The following RNF130 variants were observed in gnomAD, a reference collection of about 807,000 sequenced individuals.
RNF130 encodes the protein E3 ubiquitin-protein ligase RNF130.
A neutral mutation model predicts 44.6 loss-of-function variants in RNF130; 21 were observed. That is an observed-to-expected ratio of 0.47 (90% CI 0.33 to 0.68). RNF130 has a LOEUF of 0.68. Ranked by LOEUF, RNF130 falls within the 30% of genes least tolerant of loss-of-function variation. The probability of loss-of-function intolerance (pLI) is 0.02; values close to 1 mark genes in which losing one functional copy is unlikely to be tolerated. For synonymous variants in RNF130, 214 were observed against 210.4 expected, an observed-to-expected ratio of 1.02 and a Z score of -0.15; for missense variants, 479 against 560.6, an observed-to-expected ratio of 0.85 and a Z score of 1.47.
At chr5:179,959,179 T>C (rs571121073) in intron 8 of RNF130, among the ~76,000 whole-genome samples, 1 of 152,244 alleles carries the variant, frequency 6.6e-6, no homozygotes, top group South Asian at 2.1e-4. Flanking sequence ...ACAGTAGTTA[T>C]TCTCATCTTT....
chr5:179,933,065 T>C (rs1428412100), intron 7 of RNF130, among the ~76,000 whole-genome samples: 1 of 152,172 alleles, frequency 6.6e-6, no homozygotes, highest in African/African-American at 2.4e-5. Flanking sequence ...AGAGGAGCGA[T>C]TACCAGGGTG....
chr5:179,955,807 CATTAAGTGTTT>C, intron 8 of RNF130, 138 bp from the exon 9 acceptor site: 1 of 613,098 alleles, frequency 1.6e-6, no homozygotes, highest in Non-Finnish European at 2.8e-6. Flanking sequence ...GCCAGGAAGC[CATTAAGTGTTT>C]TCCCAAAATC....
chr5:179,963,881 A>AT (rs900271651), intron 7 of RNF130: 3 of 294,334 alleles, frequency 1.0e-5, no homozygotes, highest in Non-Finnish European at 1.9e-5. Flanking sequence ...AAGGACATAG[A>AT]TTTTTTTCAT....
At chr5:179,946,033 T>G (rs1008086976) in intron 7 of RNF130, among the ~76,000 whole-genome samples, 2 of 152,238 alleles carry the variant, frequency 1.3e-5, no homozygotes, top group African/African-American at 2.4e-5. Flanking sequence ...CAAGTCTCAG[T>G]TCCCCTGTGC....
chr5:179,964,904 A>G (rs1762407811), intron 7 of RNF130, among the ~76,000 whole-genome samples: 1 of 152,238 alleles, frequency 6.6e-6, no homozygotes, highest in African/African-American at 2.4e-5. Context: ...TGAACATTCA[A>G]AAACACATAT....
At chr5:180,022,196 T>C (rs1763890229) in intron 2 of RNF130, among the ~76,000 whole-genome samples, 1 of 152,244 alleles carries the variant, frequency 6.6e-6, no homozygotes, top group African/African-American at 2.4e-5. Context: ...CCTCCAGGCA[T>C]GTGCACTGTG....
intron 1 of RNF130, among the ~76,000 whole-genome samples, chr5:180,061,155 G>GCA (rs1261978720): frequency 1.3e-5 from 2 of 150,318 alleles, no homozygotes; most frequent in Non-Finnish European, 3.0e-5. Context: ...TGTGGGTGAC[G>GCA]CATCAGGATT....
chr5:179,966,194 T>C (rs1762440300), intron 7 of RNF130, among the ~76,000 whole-genome samples: 1 of 152,224 alleles, frequency 6.6e-6, no homozygotes, highest in East Asian at 1.9e-4. Flanking sequence ...TAGTCGACAG[T>C]GCAATGTGAA....
chr5:180,070,439 C>G (rs6894363), intron 1 of RNF130, among the ~76,000 whole-genome samples: 1,704 of 152,304 alleles, frequency 0.011, 32 homozygotes, highest in African/African-American at 0.039. Flanking sequence ...AGCACTTTGG[C>G]ATACAAATAC....
chr5:179,979,178 A>C (rs1469450044), intron 4 of RNF130, among the ~76,000 whole-genome samples: 1 of 151,850 alleles, frequency 6.6e-6, no homozygotes, highest in Non-Finnish European at 1.5e-5. Flanking sequence ...AGGCATCTAC[A>C]CTGTCACCGT....
chr5:180,060,875 C>T (rs917009192), intron 1 of RNF130, among the ~76,000 whole-genome samples: 15 of 152,028 alleles, frequency 9.9e-5, no homozygotes, highest in Non-Finnish European at 1.5e-4. Context: ...CGAGACCATC[C>T]TGGCTAACAC....
At chr5:179,987,855 T>TG (rs1457201919) in intron 3 of RNF130, among the ~76,000 whole-genome samples, 1 of 152,238 alleles carries the variant, frequency 6.6e-6, no homozygotes, top group African/African-American at 2.4e-5. Context: ...GATGTGTTGT[T>TG]GGATTCACTT....
At chr5:179,996,754 G>A (rs545202019) in intron 3 of RNF130, among the ~76,000 whole-genome samples, 2 of 152,312 alleles carry the variant, frequency 1.3e-5, no homozygotes, top group African/African-American at 4.8e-5. Flanking sequence ...GTTCATCAAG[G>A]ATACTTGTCT....
chr5:180,048,456 C>T (rs920385102), intron 1 of RNF130, among the ~76,000 whole-genome samples: 1 of 152,224 alleles, frequency 6.6e-6, no homozygotes, highest in African/African-American at 2.4e-5. Context: ...TTCCATGTAA[C>T]AAAATCAATG....
chr5:180,068,052 T>C (rs1302649969), intron 1 of RNF130, among the ~76,000 whole-genome samples: 1 of 152,230 alleles, frequency 6.6e-6, no homozygotes, highest in Non-Finnish European at 1.5e-5. Flanking sequence ...TCTAAGGCTG[T>C]AACATCCAAT....
intron 2 of RNF130, among the ~76,000 whole-genome samples, chr5:180,037,423 C>A (rs907585600): frequency 1.3e-5 from 2 of 152,164 alleles, no homozygotes; most frequent in African/African-American, 4.8e-5. Context: ...TCACAAGAGG[C>A]CTTACAGAAG....
chr5:179,980,729 C>A (rs753166532), intron 3 of RNF130, among the ~76,000 whole-genome samples: 11 of 152,218 alleles, frequency 7.2e-5, no homozygotes, highest in Non-Finnish European at 1.6e-4. Context: ...TACTATCATC[C>A]TCTGGGATCC....
chr5:180,027,290 T>C (rs1321935430), intron 2 of RNF130, among the ~76,000 whole-genome samples: 3 of 152,150 alleles, frequency 2.0e-5, no homozygotes, highest in Non-Finnish European at 4.4e-5. Context: ...AGCACTGCCC[T>C]ACAGGGTGAG....
intron 2 of RNF130, among the ~76,000 whole-genome samples, chr5:180,018,081 G>T (rs868785151): frequency 5.9e-5 from 9 of 152,276 alleles, no homozygotes; most frequent in Non-Finnish European, 7.4e-5. Context: ...GATCACCTGA[G>T]GTCAGGAGTT....
Sources: allele counts gnomAD v4.1 joint callset (sites outside exome capture counted in the v4.1 genomes callset), GRCh38; gene constraint gnomAD v4.1.1; transcripts MANE v1.5; gene names NCBI Gene and HGNC (gene_info 2026-07-23, HGNC 2026-07-21).